Variants in MYH11 observed in about 807,000 individuals in gnomAD.
MYH11 encodes the protein myosin-11.
A neutral mutation model predicts 246.6 loss-of-function variants in MYH11; 80 were observed. The ratio of observed to expected loss-of-function variants is 0.32; its 90% CI spans 0.27 to 0.39. The LOEUF is 0.39. Ranked by LOEUF, MYH11 falls within the 10% of genes least tolerant of loss-of-function variation. MYH11 has a pLI of 1.00. For synonymous variants in MYH11, 1,071 were observed against 1,015.5 expected (o/e 1.05, Z -1.04); for missense variants, 2,158 against 2,546.8 (o/e 0.85, Z 3.29).
chr16:15,736,460 G>A (rs1704439175), intron 25 of MYH11, among the ~76,000 whole-genome samples: 1 of 151,990 alleles, frequency 6.6e-6, no homozygotes, highest in Admixed American at 6.6e-5. Context: ...TTAACTTTTT[G>A]TAGGGACAGG....
At chr16:15,829,702 T>G (rs1268041999) in intron 2 of MYH11, among the ~76,000 whole-genome samples, 2 of 152,118 alleles carry the variant, frequency 1.3e-5, no homozygotes, top group Non-Finnish European at 2.9e-5. Flanking sequence ...GTGACCGTAT[T>G]AGGAAGCAGC....
At chr16:15,775,936 A>C in intron 8 of MYH11, 142 bp downstream of exon 8, 1 of 745,832 alleles carries the variant, frequency 1.3e-6, no homozygotes, top group Non-Finnish European at 2.5e-6. Flanking sequence ...GGAGGAGATG[A>C]AGAACTGTTC....
chr16:15,800,725 G>A (rs1460394978), intron 3 of MYH11, among the ~76,000 whole-genome samples: 1 of 151,966 alleles, frequency 6.6e-6, no homozygotes, highest in Non-Finnish European at 1.5e-5. Flanking sequence ...AATCTTAAGA[G>A]AGAACTGATT....
chr16:15,817,460 G>A (rs1256197015), intron 3 of MYH11, among the ~76,000 whole-genome samples: 1 of 152,094 alleles, frequency 6.6e-6, no homozygotes, highest in African/African-American at 2.4e-5. Context: ...CCACTGAGCT[G>A]AGATCGTGCT....
At position 15,778,862 on chromosome 16, in the gene MYH11, AG is replaced by A; in HGVS notation, c.727-20del. 1 of 1,613,806 alleles carries A rather than the reference AG, an allele frequency of 6.2e-7. No individual in the cohort carries two copies. The highest frequency in any genetic ancestry group is 8.5e-7 in the Non-Finnish European group (1 of 1,179,808). On this transcript the variant is annotated intron_variant, in intron 6 of 40. Transcript: ENST00000300036. ...ATTTGCCCTGCCAACAGGAAAACACAGTTCAGGCTTTGCTGCCCAACTTCAG... is the reference window on the plus strand; with the variant it reads ...ATTTGCCCTGCCAACAGGAAAACACATTCAGGCTTTGCTGCCCAACTTCAG...
chr16:15,854,615 C>T (rs1034036905), intron 1 of MYH11, among the ~76,000 whole-genome samples: 2 of 152,262 alleles, frequency 1.3e-5, no homozygotes, highest in South Asian at 4.1e-4. Flanking sequence ...TTCTCATTAG[C>T]CCCATTTCCC....
intron 11 of MYH11, 92 bp from the exon 12 acceptor site, chr16:15,759,820 G>C (rs985630955): frequency 2.7e-6 from 4 of 1,503,064 alleles, no homozygotes; most frequent in Non-Finnish European, 3.6e-6. Context: ...ATTCTTGGCC[G>C]GGTGCAGTGA....
chr16:15,766,388 T>TGTGA (rs1555564409), intron 9 of MYH11, among the ~76,000 whole-genome samples: 17 of 99,816 alleles, frequency 1.7e-4, no homozygotes, highest in South Asian at 2.7e-4. Context: ...TGTGTGTGTG[T>TGTGA]GAGACTGAGT....
At chr16:15,710,893 G>C (rs2039751237) in intron 40 of MYH11, among the ~76,000 whole-genome samples, 1 of 152,140 alleles carries the variant, frequency 6.6e-6, no homozygotes, top group Admixed American at 6.5e-5. Context: ...GGCCAGGCTG[G>C]TCTCGAACTC....
At chr16:15,735,649 A>C in intron 25 of MYH11, 71 bp from the exon 26 acceptor site, 1 of 1,496,522 alleles carries the variant, frequency 6.7e-7, no homozygotes, top group Non-Finnish European at 9.3e-7. Flanking sequence ...GTGGCCAAAA[A>C]CTTTTCTGGG....
chr16:15,829,192 A>G (rs962078746), intron 2 of MYH11, among the ~76,000 whole-genome samples: 5 of 152,028 alleles, frequency 3.3e-5, no homozygotes, highest in South Asian at 2.1e-4. Context: ...AAGAAAAAAA[A>G]AAAAAGAATA....
intron 1 of MYH11, among the ~76,000 whole-genome samples, chr16:15,852,334 CTTT>C (rs4006745): frequency 7.7e-6 from 1 of 129,162 alleles, no homozygotes; most frequent in Non-Finnish European, 1.6e-5. Flanking sequence ...TTTGCAATGC[CTTT>C]TTTTTTTTTT....
chr16:15,728,226 CTCAA>C (rs930269890), intron 27 of MYH11, among the ~76,000 whole-genome samples: 6 of 152,248 alleles, frequency 3.9e-5, no homozygotes, highest in South Asian at 4.1e-4. Context: ...GAGACTCCAT[CTCAA>C]TCAATCAATC....
intron 19 of MYH11, among the ~76,000 whole-genome samples, chr16:15,746,048 T>C (rs780533133): frequency 8.6e-5 from 13 of 151,332 alleles, no homozygotes; most frequent in Non-Finnish European, 1.9e-4. Context: ...TCCCAAGTAG[T>C]TGGGACTACG....
chr16:15,790,438 C>A (rs1409482245), intron 4 of MYH11, among the ~76,000 whole-genome samples: 2 of 152,160 alleles, frequency 1.3e-5, no homozygotes, highest in Non-Finnish European at 2.9e-5. Flanking sequence ...GCATCTACCC[C>A]TTCCCATGTT....
chr16:15,720,240 GCTT>G lies in MYH11; in HGVS notation c.4861_4863del (p.Lys1621del), dbSNP rs755547393. 3.9e-5 allele frequency: 63 copies of G among 1,613,982 alleles called. No individual in the cohort carries two copies. The highest frequency in any genetic ancestry group is 8.3e-5 in the Admixed American group (5 of 59,978). On this transcript the variant is annotated inframe_deletion, in exon 34 of 41. Coordinates refer to ENST00000300036, the MANE Select transcript of MYH11 (RefSeq NM_002474.3). Reference sequence around the variant, plus strand: ...TCCAGGTCTTTCAGGTCCCCTTCCAGCTTCTTCTTTGCTGCAGCTGCCAGGGCA... The same window carrying G: ...TCCAGGTCTTTCAGGTCCCCTTCCAGCTTCTTTGCTGCAGCTGCCAGGGCA...
intron 8 of MYH11, among the ~76,000 whole-genome samples, chr16:15,773,840 C>T (rs1423471523): frequency 6.6e-6 from 1 of 152,130 alleles, no homozygotes; most frequent in African/African-American, 2.4e-5. Context: ...CTTTTTATGA[C>T]ATTAATTAGA....
At chr16:15,781,850 A>AG (rs1384907819) in intron 6 of MYH11, among the ~76,000 whole-genome samples, 1 of 144,288 alleles carries the variant, frequency 6.9e-6, no homozygotes, top group African/African-American at 2.5e-5. Flanking sequence ...ACAGCAAATG[A>AG]GAAAAAAACA....
At chr16:15,819,754 C>T (rs78060868) in intron 3 of MYH11, among the ~76,000 whole-genome samples, 1,672 of 152,278 alleles carry the variant, frequency 0.011, 8 homozygotes, top group Middle Eastern at 0.02. Context: ...CGAACCATCT[C>T]TCCCCTGCGG....
Sources: gnomAD v4.1 joint callset for allele counts (sites outside exome capture counted in the v4.1 genomes callset) on GRCh38, gnomAD v4.1.1 for gene constraint, MANE v1.5 for transcripts, NCBI Gene and HGNC (gene_info 2026-07-23, HGNC 2026-07-21) for gene names.